The following SCAF8 variants were observed in gnomAD, a reference collection of about 807,000 sequenced individuals.
SCAF8 encodes SR-related CTD associated factor 8.
SCAF8 carries 23 observed loss-of-function variants against 140.5 expected under a neutral mutation model. That is an observed-to-expected ratio of 0.16 (90% CI 0.12 to 0.23). SCAF8 has a LOEUF of 0.23. SCAF8 is among the 10% of genes least tolerant of loss of function. The pLI, the probability that SCAF8 is intolerant of heterozygous loss-of-function variation, is 1.00. For synonymous variants in SCAF8, 575 were observed against 528.9 expected, an observed-to-expected ratio of 1.09 and a Z score of -1.20; for missense variants, 1,397 against 1,555.7, an observed-to-expected ratio of 0.90 and a Z score of 1.72.
chr6:154,796,065 T>TA (rs1306433723), intron 6 of SCAF8, among the ~76,000 whole-genome samples: 1 of 152,166 alleles, frequency 6.6e-6, no homozygotes, highest in Non-Finnish European at 1.5e-5. Flanking sequence ...TTTAAGTACT[T>TA]ACATATAGTT....
chr6:154,821,737 T>C (rs1186637286), intron 15 of SCAF8, among the ~76,000 whole-genome samples: 1 of 152,182 alleles, frequency 6.6e-6, no homozygotes, highest in Non-Finnish European at 1.5e-5. Flanking sequence ...GAGTGAGGAA[T>C]GAGTAGTAGG....
At chr6:154,762,059 CAA>C (rs1045036886) in intron 1 of SCAF8, among the ~76,000 whole-genome samples, 53 of 152,224 alleles carry the variant, frequency 3.5e-4, no homozygotes, top group African/African-American at 1.2e-3. Context: ...AAAAGTTTCA[CAA>C]AAATATGAAA....
intron 1 of SCAF8, among the ~76,000 whole-genome samples, chr6:154,755,966 C>T (rs1039751486): frequency 9.9e-5 from 15 of 152,098 alleles, no homozygotes; most frequent in African/African-American, 3.4e-4. Flanking sequence ...AGCCTGGAAG[C>T]GGAATCATAG....
intron 12 of SCAF8, 126 bp from the exon 13 acceptor site, chr6:154,815,590 A>C (rs1380387284): frequency 2.5e-6 from 1 of 398,972 alleles, no homozygotes; most frequent in African/African-American, 2.0e-5. Context: ...GTTCATTGAC[A>C]ATTATTTTTA....
rs1778783372 is a variant in SCAF8, at chr6:154,832,704, C to A, written c.3125C>A (p.Pro1042His). 2 of 1,613,780 alleles carry A rather than the reference C, an allele frequency of 1.2e-6. No individual in the cohort carries two copies. Among genetic ancestry groups the A allele is most frequent in the South Asian group, 1.1e-5 (1 of 91,062 alleles). The stretch of plus-strand genomic sequence containing the variant: ...GATGTTAGAGATGTGGTTGGGCGGC[C>A]TATAGATCCAAGAGAAGGTCCTGGA... ...PVDVRDVVGR[P>H]IDPREGPGRP... Residue 1042 changes from proline (P) to histidine (H), a missense_variant, in exon 20 of 20, where the codon CCT becomes CAT. Pro to His is a moderately conservative substitution (Grantham distance 77). Transcript: ENST00000367178.
intron 3 of SCAF8, among the ~76,000 whole-genome samples, chr6:154,782,320 G>C (rs1777108574): frequency 6.6e-6 from 1 of 152,172 alleles, no homozygotes; most frequent in Non-Finnish European, 1.5e-5. Flanking sequence ...GAGGTGGAGG[G>C]ATTGCTTGAG....
chr6:154,742,423 T>G (rs1358898579), intron 1 of SCAF8, among the ~76,000 whole-genome samples: 3 of 152,212 alleles, frequency 2.0e-5, no homozygotes, highest in East Asian at 3.8e-4. Context: ...GCTATAGGAA[T>G]AAAGAATTGA....
chr6:154,821,534 G>C (rs960090063), intron 15 of SCAF8, among the ~76,000 whole-genome samples: 1 of 152,120 alleles, frequency 6.6e-6, no homozygotes, highest in Non-Finnish European at 1.5e-5. Flanking sequence ...AAAAAAATCA[G>C]GGAAGGGAGA....
intron 12 of SCAF8, among the ~76,000 whole-genome samples, chr6:154,815,504 T>A (rs1562460940): frequency 1.3e-5 from 2 of 152,186 alleles, no homozygotes; most frequent in Non-Finnish European, 2.9e-5. Context: ...ACAGGTGACA[T>A]GTAAGTGGTT....
At position 154,733,644 on chromosome 6, in the gene SCAF8, C is replaced by T; in HGVS notation, c.-257C>T. 2 of 1,285,924 alleles carry T rather than the reference C, an allele frequency of 1.6e-6. No homozygotes were observed. Among genetic ancestry groups the T allele is most frequent in the Non-Finnish European group, 2.0e-6 (2 of 1,019,982 alleles). 79.7% of individuals were successfully genotyped at this position (1,285,924 alleles called of 1,614,324 possible). A position where few individuals can be genotyped will look rare whatever the true frequency, so the allele number is the denominator to read the frequency against. On this transcript the variant is annotated 5_prime_UTR_variant, in exon 1 of 20. Coordinates refer to ENST00000367178, the MANE Select transcript of SCAF8 (RefSeq NM_014892.5). ...CAGCCCCTCCCCCGCCCGCCGCCGA[C>T]CCGCCCCGGCAGCGCCTCTGTTCCC...
intron 1 of SCAF8, among the ~76,000 whole-genome samples, chr6:154,763,002 A>T (rs190731754): frequency 1.3e-5 from 2 of 152,108 alleles, no homozygotes; most frequent in Admixed American, 6.5e-5. Flanking sequence ...GGGTGGTGAG[A>T]CTTTGGAATT....
At chr6:154,815,184 C>T (rs1260185703) in intron 12 of SCAF8, among the ~76,000 whole-genome samples, 1 of 152,140 alleles carries the variant, frequency 6.6e-6, no homozygotes. Context: ...GTAGTCCTAG[C>T]TACTCGGGAG....
chr6:154,762,982 C>T (rs959891069), intron 1 of SCAF8, among the ~76,000 whole-genome samples: 1 of 152,056 alleles, frequency 6.6e-6, no homozygotes, highest in Admixed American at 6.6e-5. Context: ...CCCTGTAATA[C>T]CTCTATTTGG....
intron 1 of SCAF8, 49 bp from the exon 2 acceptor site, chr6:154,773,939 TA>T (rs1776847228): frequency 8.9e-7 from 1 of 1,129,146 alleles, no homozygotes; most frequent in South Asian, 1.3e-5. Context: ...TAGTTTCATG[TA>T]ATTGCTTGGA....
chr6:154,795,216 C>G (rs1326667126), intron 6 of SCAF8, 77 bp downstream of exon 6: 1 of 1,232,344 alleles, frequency 8.1e-7, no homozygotes, highest in African/African-American at 1.6e-5. Flanking sequence ...TAACATACCA[C>G]CTAGAGAATA....
chr6:154,781,394 C>T (rs549538875), intron 3 of SCAF8, among the ~76,000 whole-genome samples: 296 of 152,272 alleles, frequency 1.9e-3, no homozygotes, highest in Non-Finnish European at 3.4e-3. Context: ...GAATCAATAT[C>T]GTGAACATGG....
chr6:154,742,695 A>G (rs1013656371), intron 1 of SCAF8, among the ~76,000 whole-genome samples: 1 of 152,038 alleles, frequency 6.6e-6, no homozygotes, highest in African/African-American at 2.4e-5. Context: ...TAAATGTATT[A>G]AAATACCTAT....
At chr6:154,738,027 G>A (rs889712535) in intron 1 of SCAF8, among the ~76,000 whole-genome samples, 1 of 151,854 alleles carries the variant, frequency 6.6e-6, no homozygotes, top group African/African-American at 2.4e-5. Context: ...GAGACTTTAG[G>A]AATACAGATT....
At chr6:154,774,368 C>G (rs537573320) in intron 2 of SCAF8, among the ~76,000 whole-genome samples, 5 of 152,272 alleles carry the variant, frequency 3.3e-5, no homozygotes, top group African/African-American at 1.2e-4. Context: ...CTCAAGTGAT[C>G]CTCTTGCCTC....
Sources: allele counts gnomAD v4.1 joint callset (sites outside exome capture counted in the v4.1 genomes callset), GRCh38; gene constraint gnomAD v4.1.1; transcripts MANE v1.5; gene names NCBI Gene and HGNC (gene_info 2026-07-23, HGNC 2026-07-21).